ANO4: variants seen among roughly 807,000 people sequenced by gnomAD.
The protein encoded by ANO4 is anoctamin 4.
Under a neutral mutation model 141.9 loss-of-function variants are expected in ANO4, and 69 were observed. The observed-to-expected ratio is 0.49, with a 90% confidence interval of 0.40 to 0.59. ANO4 has a LOEUF of 0.59. Among genes scored for constraint, ANO4 ranks in the 20% least tolerant of loss-of-function variants. ANO4 has a pLI of 0.00. For missense variants in ANO4, 894 were observed against 1,162.2 expected (o/e 0.77, Z 3.36); for synonymous variants, 350 against 394.3 (o/e 0.89, Z 1.33).
At chr12:101,016,480 C>A (rs573780920) in intron 8 of ANO4, among the ~76,000 whole-genome samples, 100 of 152,182 alleles carry the variant, frequency 6.6e-4, no homozygotes, top group African/African-American at 2.2e-3. Context: ...AAACACCTCC[C>A]ACCAGACCCC....
intron 1 of ANO4, among the ~76,000 whole-genome samples, chr12:100,843,608 G>C (rs766599069): frequency 6.6e-6 from 1 of 152,148 alleles, no homozygotes; most frequent in Non-Finnish European, 1.5e-5. Context: ...TTAGAAGACA[G>C]GTAGACGACG....
chr12:100,805,606 C>G (rs1211278538), intron 1 of ANO4, among the ~76,000 whole-genome samples: 1 of 152,110 alleles, frequency 6.6e-6, no homozygotes, highest in East Asian at 1.9e-4. Flanking sequence ...TTATACCTAT[C>G]CATTTGTTTG....
rs551168167 is a variant in ANO4, at chr12:101,092,264, A to C, written c.1702-1992A>C. 1.6e-3 allele frequency among the ~76,000 whole-genome samples: 248 copies of C among 152,284 alleles called. 1 individual carries two copies. Among genetic ancestry groups the C allele is most frequent in the African/African-American group, 5.4e-3 (225 of 41,554 alleles). On this transcript the variant is annotated intron_variant, in intron 17 of 27. Transcript: ENST00000392977. ...AAGTACACCAGATAATATAGCTTGC[A>C]TCAGAGCAAGTCCACATTTATTGAT...
In ANO4 at chr12:100,987,292, G is replaced by A. The variant is rs765858056; in HGVS notation, c.603-247G>A. ...CTTGGTCATTTATTATTGGCATGTG[G>A]GTGGACATCTAACTCACAGCTGCTA... On this transcript the variant is annotated intron_variant, in intron 7 of 27. Coordinates refer to ENST00000392977, the MANE Select transcript of ANO4 (RefSeq NM_001286615.2). The A allele has an allele frequency of 1.4e-5, 6 of 444,118 alleles. 1 individual carries two copies. Among genetic ancestry groups the A allele is most frequent in the Non-Finnish European group, 2.5e-5 (6 of 242,236 alleles). 27.5% of individuals were successfully genotyped at this position (444,118 alleles called of 1,614,324 possible). A position where few individuals can be genotyped will look rare whatever the true frequency, so the allele number is the denominator to read the frequency against.
intron 3 of ANO4, among the ~76,000 whole-genome samples, chr12:100,774,012 G>T (rs2135558963): frequency 6.6e-6 from 1 of 152,230 alleles, no homozygotes; most frequent in East Asian, 1.9e-4. Flanking sequence ...TGCTACAATG[G>T]CAGAGTTGAG....
At chr12:100,839,974 G>T (rs1213235899) in intron 1 of ANO4, among the ~76,000 whole-genome samples, 3 of 152,080 alleles carry the variant, frequency 2.0e-5, no homozygotes, top group African/African-American at 7.2e-5. Flanking sequence ...GACTGCATCA[G>T]CTAGTGCATC....
intron 5 of ANO4, among the ~76,000 whole-genome samples, chr12:100,962,683 T>C (rs1373402976): frequency 6.6e-6 from 1 of 152,232 alleles, no homozygotes; most frequent in African/African-American, 2.4e-5. Context: ...CAGCCAGATA[T>C]AGTTCTCAGC....
At chr12:100,837,229 TG>T (rs1329897033) in intron 1 of ANO4, among the ~76,000 whole-genome samples, 2 of 152,174 alleles carry the variant, frequency 1.3e-5, no homozygotes, top group Admixed American at 6.6e-5. Flanking sequence ...TACTCTGTAC[TG>T]GGCACAGCTC....
intron 1 of ANO4, among the ~76,000 whole-genome samples, chr12:100,718,697 T>C (rs764332227): frequency 2.6e-5 from 4 of 152,306 alleles, no homozygotes; most frequent in South Asian, 2.1e-4. Context: ...AATTTCAGTC[T>C]GGTGGCCTGT....
At chr12:100,844,585 A>T (rs1194012580) in intron 1 of ANO4, among the ~76,000 whole-genome samples, 1 of 152,130 alleles carries the variant, frequency 6.6e-6, no homozygotes, top group Non-Finnish European at 1.5e-5. Flanking sequence ...CAACAGACAC[A>T]GCTCTGTGGG....
rs538807044 is a variant in ANO4, at chr12:101,018,576, A to G, written c.735-1458A>G. Among the ~76,000 whole-genome samples, 6 of 152,098 alleles carry G rather than the reference A, an allele frequency of 3.9e-5. No individual in the cohort carries two copies. The South Asian group carries it at 8.3e-4, about 21-fold the overall frequency. On this transcript the variant is annotated intron_variant, in intron 8 of 27. Coordinates refer to ENST00000392977, the MANE Select transcript of ANO4 (RefSeq NM_001286615.2). ...CTTGGACTACTCTTTCTCGAGGCCA[A>G]TTTTTTCTCTTCCTCTCATTATTTG...
chr12:100,720,443 C>T (rs1421560638), intron 1 of ANO4, among the ~76,000 whole-genome samples: 1 of 151,648 alleles, frequency 6.6e-6, no homozygotes, highest in Non-Finnish European at 1.5e-5. Flanking sequence ...CAGGAATGAG[C>T]TTGTCATGTT....
At chr12:101,112,657 A>G (rs7980453) in intron 24 of ANO4, among the ~76,000 whole-genome samples, 7,808 of 152,180 alleles carry the variant, frequency 0.051, 628 homozygotes, top group African/African-American at 0.17. Context: ...ATTGTAGCTG[A>G]TCGACCCCAA....
At chr12:101,082,581 A>G (rs2049327267) in intron 15 of ANO4, among the ~76,000 whole-genome samples, 2 of 152,204 alleles carry the variant, frequency 1.3e-5, no homozygotes, top group South Asian at 4.1e-4. Flanking sequence ...AAATAAATGA[A>G]AGACAGAGCC....
At chr12:100,858,574 C>A (rs1257347152) in intron 1 of ANO4, among the ~76,000 whole-genome samples, 3 of 152,022 alleles carry the variant, frequency 2.0e-5, no homozygotes, top group Non-Finnish European at 4.4e-5. Flanking sequence ...TTCTTGATTT[C>A]TTTTGCTTTT....
At chr12:100,770,088 C>T (rs190167706) in intron 3 of ANO4, among the ~76,000 whole-genome samples, 4 of 152,170 alleles carry the variant, frequency 2.6e-5, no homozygotes, top group Non-Finnish European at 5.9e-5. Flanking sequence ...TTGAATATTG[C>T]GATAGCTATG....
chr12:100,883,643 A>C (rs148477355), intron 1 of ANO4, among the ~76,000 whole-genome samples: 1,625 of 152,208 alleles, frequency 0.011, 29 homozygotes, highest in African/African-American at 0.036. Context: ...TTCCACATTT[A>C]CTAAATTAGG....
intron 5 of ANO4, among the ~76,000 whole-genome samples, chr12:100,953,112 G>A (rs902930118): frequency 3.3e-5 from 5 of 152,124 alleles, no homozygotes; most frequent in Non-Finnish European, 2.9e-5. Context: ...TATAAAGCAC[G>A]TTTTGCATAA....
At chr12:100,814,947 G>T (rs545672273) in intron 1 of ANO4, among the ~76,000 whole-genome samples, 1 of 152,092 alleles carries the variant, frequency 6.6e-6, no homozygotes, top group Admixed American at 6.6e-5. Context: ...GGAGATGGCC[G>T]CAAGTTGGTG....
Sources: gnomAD v4.1 joint callset for allele counts (sites outside exome capture counted in the v4.1 genomes callset) on GRCh38, gnomAD v4.1.1 for gene constraint, MANE v1.5 for transcripts, NCBI Gene and HGNC (gene_info 2026-07-23, HGNC 2026-07-21) for gene names.